Variants in CPS1 observed in about 807,000 individuals in gnomAD.
CPS1 encodes the protein carbamoyl-phosphate synthase [ammonia], mitochondrial.
In CPS1, 109 loss-of-function variants were observed where a neutral mutation model predicts 174.6. The ratio of observed to expected loss-of-function variants is 0.62; its 90% CI spans 0.53 to 0.73. CPS1 has a LOEUF of 0.73. CPS1 is among the 30% of genes least tolerant of loss of function. CPS1 has a pLI of 0.00. For synonymous variants in CPS1, 637 were observed against 632.0 expected (o/e 1.01, Z -0.12); for missense variants, 1,689 against 1,821.9 (o/e 0.93, Z 1.33).
At chr2:210,528,814 C>CTTTT (rs779266955) in intron 1 of CPS1, among the ~76,000 whole-genome samples, 4 of 117,652 alleles carry the variant, frequency 3.4e-5, no homozygotes, top group Non-Finnish European at 5.3e-5. Flanking sequence ...ATCAAGACAA[C>CTTTT]TTTTTTTTTT....
chr2:210,504,532 A>G (rs1462889546), intron 1 of CPS1, among the ~76,000 whole-genome samples: 1 of 152,182 alleles, frequency 6.6e-6, no homozygotes, highest in African/African-American at 2.4e-5. Context: ...AAGTTGCTCA[A>G]TGTCATGCAG....
intron 25 of CPS1, among the ~76,000 whole-genome samples, chr2:210,642,962 A>T (rs960527440): frequency 6.6e-6 from 1 of 152,228 alleles, no homozygotes; most frequent in South Asian, 2.1e-4. Flanking sequence ...TGCCAGATAC[A>T]TATTAACTAA....
At chr2:210,643,622 C>T (rs1438270568) in intron 25 of CPS1, among the ~76,000 whole-genome samples, 4 of 151,846 alleles carry the variant, frequency 2.6e-5, no homozygotes, top group Non-Finnish European at 1.5e-5. Flanking sequence ...AGTTTATGGC[C>T]GAAGTCAGAT....
intron 29 of CPS1, among the ~76,000 whole-genome samples, chr2:210,654,807 C>G (rs186385670): frequency 1.3e-5 from 2 of 152,286 alleles, no homozygotes; most frequent in Admixed American, 6.5e-5. Flanking sequence ...CTTCAAAACA[C>G]TACTGAAGAT....
intron 21 of CPS1, chr2:210,618,656 A>G (rs1312225641): frequency 1.3e-5 from 2 of 152,118 alleles, no homozygotes; most frequent in East Asian, 3.9e-4. Flanking sequence ...ATTTTGTGGC[A>G]CATAGGGGTC....
At chr2:210,565,648 A>G (rs1197460689) in intron 1 of CPS1, among the ~76,000 whole-genome samples, 1 of 152,220 alleles carries the variant, frequency 6.6e-6, no homozygotes, top group Admixed American at 6.5e-5. Context: ...TTCAAACAAA[A>G]TCTCATAAAA....
chr2:210,648,096 T>G, intron 26 of CPS1, 39 bp downstream of exon 26: 1 of 1,596,010 alleles, frequency 6.3e-7, no homozygotes, highest in Non-Finnish European at 8.6e-7. Context: ...AATGTTCTAT[T>G]TTGAAGAGCT....
At chr2:210,508,826 C>T (rs1482912180) in intron 1 of CPS1, among the ~76,000 whole-genome samples, 1 of 152,088 alleles carries the variant, frequency 6.6e-6, no homozygotes, top group Non-Finnish European at 1.5e-5. Flanking sequence ...CAAGACTAAA[C>T]CAGGAAGAAG....
chr2:210,666,761 G>A (rs1701114820), intron 33 of CPS1, among the ~76,000 whole-genome samples: 4 of 152,204 alleles, frequency 2.6e-5, no homozygotes, highest in Admixed American at 2.6e-4. Context: ...CAGGTAGGGT[G>A]ATGCCTCCAG....
upstream of CPS1, among the ~76,000 whole-genome samples, chr2:210,555,053 G>C (rs1696864987): frequency 6.6e-6 from 1 of 151,846 alleles, no homozygotes; most frequent in African/African-American, 2.4e-5. Context: ...ATACTTCCAT[G>C]ACTATTATGA....
chr2:210,621,763 T>C (rs1019764574), intron 21 of CPS1, among the ~76,000 whole-genome samples: 3 of 152,116 alleles, frequency 2.0e-5, no homozygotes, highest in Non-Finnish European at 2.9e-5. Context: ...CTATTCCTTA[T>C]TGTAACCAAA....
intron 26 of CPS1, 48 bp from the exon 27 acceptor site, chr2:210,648,425 C>T (rs1402896940): frequency 6.9e-7 from 1 of 1,449,002 alleles, no homozygotes; most frequent in Non-Finnish European, 9.7e-7. Context: ...AATTTTATTG[C>T]ATATTTTAAA....
At chr2:210,666,403 T>C (rs1238626773) in intron 33 of CPS1, among the ~76,000 whole-genome samples, 5 of 151,506 alleles carry the variant, frequency 3.3e-5, no homozygotes, top group Admixed American at 6.6e-5. Flanking sequence ...TCCTTGCCCA[T>C]GCCTATGTCC....
At chr2:210,653,173 G>A (rs915804739) in intron 28 of CPS1, among the ~76,000 whole-genome samples, 6 of 152,150 alleles carry the variant, frequency 3.9e-5, no homozygotes, top group Middle Eastern at 3.2e-3. Context: ...TACACGTGGG[G>A]AAGAGACACA....
At chr2:210,666,857 T>A (rs1423042743) in intron 33 of CPS1, among the ~76,000 whole-genome samples, 1 of 152,242 alleles carries the variant, frequency 6.6e-6, no homozygotes, top group Non-Finnish European at 1.5e-5. Context: ...TTTCCAATTC[T>A]GTGAAGAAAA....
chr2:210,547,135 A>G (rs1363229503), intron 1 of CPS1, among the ~76,000 whole-genome samples: 1 of 152,160 alleles, frequency 6.6e-6, no homozygotes, highest in Non-Finnish European at 1.5e-5. Context: ...AAGAATTTAC[A>G]TATGTATGAG....
chr2:210,648,162 T>C (rs1245317888), intron 26 of CPS1, 105 bp downstream of exon 26: 2 of 1,112,720 alleles, frequency 1.8e-6, no homozygotes, highest in Admixed American at 3.8e-5. Context: ...ACAGGGCAGA[T>C]AGAATGCATA....
chr2:210,668,622 T>G (rs1051984290), intron 34 of CPS1, among the ~76,000 whole-genome samples: 26 of 152,162 alleles, frequency 1.7e-4, no homozygotes, highest in Non-Finnish European at 3.1e-4. Flanking sequence ...CATCCTTAGT[T>G]CCTGAACATA....
At chr2:210,499,824 C>G (rs541394536) in intron 1 of CPS1, among the ~76,000 whole-genome samples, 2 of 152,106 alleles carry the variant, frequency 1.3e-5, no homozygotes, top group Non-Finnish European at 2.9e-5. Flanking sequence ...CAGATGCCAT[C>G]ATGAGGGCTG....
Sources: gnomAD v4.1 joint callset for allele counts (sites outside exome capture counted in the v4.1 genomes callset) on GRCh38, gnomAD v4.1.1 for gene constraint, MANE v1.5 for transcripts, NCBI Gene and HGNC (gene_info 2026-07-23, HGNC 2026-07-21) for gene names.